SCAMP4: variants seen among roughly 807,000 people sequenced by gnomAD.
SCAMP4 encodes secretory carrier-associated membrane protein 4.
In SCAMP4, 19 loss-of-function variants were observed where a neutral mutation model predicts 32.1. That is an observed-to-expected ratio of 0.59 (90% confidence interval 0.41 to 0.87). The LOEUF (loss-of-function observed/expected upper bound fraction) is 0.87. Among genes scored for constraint, SCAMP4 ranks in the 40% least tolerant of loss-of-function variants. SCAMP4 has a pLI of 0.00. For missense variants in SCAMP4, 302 were observed against 309.0 expected (o/e 0.98, Z 0.17); for synonymous variants, 152 against 132.7 (o/e 1.15, Z -1.00).
Position 1,919,176 on chromosome 19 carries a change from C to A in SCAMP4, c.395+186C>A, listed in dbSNP as rs2013837672. The A allele has an allele frequency of 2.3e-5, 33 of 1,428,752 alleles. No individual in the cohort carries two copies. In the South Asian group the frequency reaches 4.0e-4, roughly 17 times the overall value. The allele number at this position is 1,428,752 out of a possible 1,614,324, so 88.5% of individuals were successfully genotyped here. On this transcript the variant is annotated intron_variant, in intron 5 of 6. Coordinates refer to ENST00000316097, the MANE Select transcript of SCAMP4 (RefSeq NM_079834.4). ...GCCAGCGCCCGCGTCCTCGCCAGCA[C>A]CCAGCCATGGTTCGCGATTGTAGGC...
intron 2 of SCAMP4, among the ~76,000 whole-genome samples, chr19:1,917,417 C>T (rs1304781949): frequency 2.6e-5 from 4 of 152,216 alleles, no homozygotes; most frequent in African/African-American, 7.2e-5. Flanking sequence ...CCTTGCCCAG[C>T]GTCTAGAGGC....
rs564389152 is a variant in SCAMP4, at chr19:1,909,876, G to T, written c.-42+4437G>T. Among the ~76,000 whole-genome samples the T allele has an allele frequency of 3.3e-5, 5 of 152,370 alleles. No individual in the cohort carries two copies. In the East Asian group the frequency reaches 9.6e-4, roughly 29 times the overall value. On this transcript the variant is annotated intron_variant, in intron 1 of 6. Coordinates refer to ENST00000316097, the MANE Select transcript of SCAMP4 (RefSeq NM_079834.4). Reference sequence around the variant, plus strand: ...GGATGGGAAGTCGGGCCCACCAGGGGAGGGGCTGCGCTCCGGGGCTTACGT... The same window carrying T: ...GGATGGGAAGTCGGGCCCACCAGGGTAGGGGCTGCGCTCCGGGGCTTACGT...
chr19:1,915,864 T>G (rs575029724), intron 2 of SCAMP4, among the ~76,000 whole-genome samples: 1 of 150,676 alleles, frequency 6.6e-6, no homozygotes, highest in East Asian at 2.0e-4. Context: ...GAGAATGGTG[T>G]GAACCCGGGA....
In SCAMP4 at chr19:1,918,212, C is replaced by T. The variant is rs767024223; in HGVS notation, c.222C>T (p.Ala74=). The T allele has an allele frequency of 6.2e-7, 1 of 1,611,866 alleles. No homozygotes were observed. Among genetic ancestry groups the T allele is most frequent in the South Asian group, 1.1e-5 (1 of 91,074 alleles). ...GGGSGTNFGL[A]FVWLLLFTPC... Reference sequence around the variant, plus strand: ...GCTCGGGGACCAACTTCGGCCTGGCCTTCGTGTGGCTGCTCCTGTTCACGC... The same window carrying T: ...GCTCGGGGACCAACTTCGGCCTGGCTTTCGTGTGGCTGCTCCTGTTCACGC... The change falls in exon 4 of 7, where the codon GCC becomes GCT. Residue 74 remains alanine, a synonymous_variant. Transcript: ENST00000316097.
intron 2 of SCAMP4, among the ~76,000 whole-genome samples, chr19:1,917,021 C>T (rs962655189): frequency 1.3e-5 from 2 of 152,226 alleles, no homozygotes; most frequent in Non-Finnish European, 2.9e-5. Context: ...CAATTTCGGC[C>T]GGGCGCGGTG....
At chr19:1,919,189 C>A in intron 5 of SCAMP4, 199 bp downstream of exon 5, 1 of 1,421,374 alleles carries the variant, frequency 7.0e-7, no homozygotes. Flanking sequence ...AGCCATGGTT[C>A]GCGATTGTAG....
intron 5 of SCAMP4, chr19:1,921,601 G>C (rs935391021): frequency 1.0e-6 from 1 of 985,450 alleles, no homozygotes; most frequent in Non-Finnish European, 1.2e-6. Context: ...GGGAAGCTGC[G>C]GGGGCGGCGG....
chr19:1,921,349 G>A (rs551259958), intron 5 of SCAMP4: 17 of 985,460 alleles, frequency 1.7e-5, no homozygotes, highest in Non-Finnish European at 1.8e-5. Flanking sequence ...GGTGGCAGAG[G>A]ACTGGAAACT....
chr19:1,920,954 TC>T, intron 5 of SCAMP4: 3 of 985,216 alleles, frequency 3.0e-6, no homozygotes, highest in Non-Finnish European at 2.4e-6. Context: ...CTGGGTCATC[TC>T]CCGCAGGTCA....
At chr19:1,912,392 G>T in intron 1 of SCAMP4, 2 of 1,517,936 alleles carry the variant, frequency 1.3e-6, no homozygotes, top group Non-Finnish European at 1.8e-6. Flanking sequence ...TGGCTGGGCC[G>T]GCCTCGGGCC....
intron 1 of SCAMP4, among the ~76,000 whole-genome samples, chr19:1,910,366 G>A (rs1005860285): frequency 2.2e-4 from 33 of 152,168 alleles, no homozygotes; most frequent in African/African-American, 5.6e-4. Context: ...GCCTGTCCCC[G>A]CTTCTGCTTC....
rs190444831 is a variant in SCAMP4, at chr19:1,906,566, T to C, written c.-42+1127T>C. 125 of 151,580 alleles carry C rather than the reference T, an allele frequency of 8.2e-4. 2 individuals are homozygous for C. The East Asian group carries it at 0.022, about 26-fold the overall frequency. 9.4% of individuals were successfully genotyped at this position (151,580 alleles called of 1,614,324 possible). A position where few individuals can be genotyped will look rare whatever the true frequency, so the allele number is the denominator to read the frequency against. On this transcript the variant is annotated intron_variant, in intron 1 of 6. Coordinates refer to ENST00000316097, the MANE Select transcript of SCAMP4 (RefSeq NM_079834.4). ...AATAAATAAATAAAATACATACGTGTAGCGCCGGCCGTGGTGGCTCACGCC... is the reference window on the plus strand; with the variant it reads ...AATAAATAAATAAAATACATACGTGCAGCGCCGGCCGTGGTGGCTCACGCC...
rs1195780472 is a variant in SCAMP4 at position 1,912,213 on chromosome 19, G to A, written c.-41-2766G>A. The A allele has an allele frequency of 4.4e-6, 7 of 1,592,204 alleles. No homozygotes were observed. The Admixed American group carries it at 7.0e-5, about 16-fold the overall frequency. On this transcript the variant is annotated intron_variant, in intron 1 of 6. Coordinates refer to ENST00000316097, the MANE Select transcript of SCAMP4 (RefSeq NM_079834.4). ...CCTGTCCGAGAAGCAGTCAGGGGAC[G>A]TGGAGCTGGTGCTGGCCTACGCCGC...
rs763647846 is a variant in SCAMP4, at chr19:1,918,273, A to G, written c.283A>G (p.Lys95Glu). ...GYVCWFRPVY[K>E]AFRADSSFNF... ...CGTGTGCTGGTTCCGGCCTGTCTAC[A>G]AGGCCTTCCGGTGAGCAGAGCTGCC... The change falls in exon 4 of 7, where the codon AAG (lysine) becomes GAG (glutamate). Residue 95 changes from lysine (K) to glutamate (E), a missense_variant. Transcript: ENST00000316097. 1.2e-5 allele frequency: 20 copies of G among 1,602,622 alleles called. No individual in the cohort carries two copies. The highest frequency in any genetic ancestry group is 1.7e-5 in the Admixed American group (1 of 59,578).
chr19:1,923,194 C>T lies in SCAMP4; in HGVS notation c.513+7C>T. The T allele has an allele frequency of 1.3e-6, 2 of 1,545,574 alleles. No homozygotes were observed. The highest frequency in any genetic ancestry group is 1.2e-5 in the South Asian group (1 of 83,172). On this transcript the variant is annotated splice_region_variant and intron_variant, in intron 6 of 6. Transcript: ENST00000316097. ...GGCCATCGCGATCATGAAGGTGAGT[C>T]CTCGGCTTTGTGACGTCCAGCCCTT...
chr19:1,917,802 G>A lies in SCAMP4; in HGVS notation c.116G>A (p.Arg39Lys). ...IPVEHQVLVK[R>K]IYRLWMFYCA... ...GTGGAGCACCAGGTCCTGGTGAAGAGGATCTACCGGCTGTGGATGTGTGAG... is the reference window on the plus strand; with the variant it reads ...GTGGAGCACCAGGTCCTGGTGAAGAAGATCTACCGGCTGTGGATGTGTGAG... Residue 39 changes from arginine (R) to lysine (K), a missense_variant, in exon 3 of 7, where the codon AGG becomes AAG. By Grantham distance (26) the Arg-to-Lys change is conservative. Transcript: ENST00000316097. 2 of 1,614,042 alleles carry A rather than the reference G, an allele frequency of 1.2e-6. No individual in the cohort carries two copies. Among genetic ancestry groups the A allele is most frequent in the East Asian group, 2.2e-5 (1 of 44,888 alleles).
chr19:1,924,369 T>A lies in SCAMP4; in HGVS notation c.*85T>A. ...CCTGGTCCCGAGGGCTGGGAGTACCTGGGGCCCCATCCCCCCAGCTGGGAT... is the reference window on the plus strand; with the variant it reads ...CCTGGTCCCGAGGGCTGGGAGTACCAGGGGCCCCATCCCCCCAGCTGGGAT... On this transcript the variant is annotated 3_prime_UTR_variant, in exon 7 of 7. Coordinates refer to ENST00000316097, the MANE Select transcript of SCAMP4 (RefSeq NM_079834.4). The A allele has an allele frequency of 7.4e-7, 1 of 1,355,924 alleles. No individual in the cohort carries two copies. Among genetic ancestry groups the A allele is most frequent in the African/African-American group, 1.5e-5 (1 of 68,936 alleles). The allele number at this position is 1,355,924 out of a possible 1,614,324, so 84.0% of individuals were successfully genotyped here.
At position 1,908,038 on chromosome 19, in the gene SCAMP4, A is replaced by T. The variant is rs570540188; in HGVS notation, c.-42+2599A>T. The T allele has an allele frequency of 6.1e-6, 1 of 163,662 alleles. No homozygotes were observed. The highest frequency in any genetic ancestry group is 6.2e-5 in the Admixed American group (1 of 16,214). 10.1% of individuals were successfully genotyped at this position (163,662 alleles called of 1,614,324 possible). A position where few individuals can be genotyped will look rare whatever the true frequency, so the allele number is the denominator to read the frequency against. On this transcript the variant is annotated intron_variant, in intron 1 of 6. Transcript: ENST00000316097. The surrounding 1 kb of genome is among the most constrained non-coding windows in gnomAD (Gnocchi z 4.2). ...GGGTCGTTTGTTTTTCATCAGACAG[A>T]GGTTGTACTCTTGGAGGGACAAGCG...
chr19:1,913,266 AC>A, intron 1 of SCAMP4: 1 of 1,394,388 alleles, frequency 7.2e-7, no homozygotes, highest in South Asian at 1.5e-5. Flanking sequence ...AGGGACACAT[AC>A]CGCCTCCAGC....
Sources: allele counts gnomAD v4.1 joint callset (sites outside exome capture counted in the v4.1 genomes callset), GRCh38; gene constraint gnomAD v4.1.1; non-coding constraint Gnocchi (gnomAD v3.1); transcripts MANE v1.5; gene names NCBI Gene and HGNC (gene_info 2026-07-23, HGNC 2026-07-21).